CSGALNACT1: variants seen among roughly 807,000 people sequenced by gnomAD.
The protein encoded by CSGALNACT1 is chondroitin sulfate N-acetylgalactosaminyltransferase 1, also known as beta4GalNAcT-1.
Under a neutral mutation model 51.0 loss-of-function variants are expected in CSGALNACT1, and 52 were observed. The observed-to-expected ratio is 1.02, with a 90% CI of 0.82 to 1.29. The LOEUF is 1.29. Among genes scored for constraint, CSGALNACT1 ranks in the 50% most tolerant of loss-of-function variants. The pLI, the probability that CSGALNACT1 is intolerant of heterozygous loss-of-function variation, is 0.00. For synonymous variants in CSGALNACT1, 341 were observed against 254.4 expected (o/e 1.34, Z -3.24); for missense variants, 935 against 679.2 (o/e 1.38, Z -4.19).
intron 3 of CSGALNACT1, among the ~76,000 whole-genome samples, chr8:19,529,870 T>C (rs1333063946): frequency 2.0e-5 from 3 of 152,208 alleles, no homozygotes; most frequent in Admixed American, 6.5e-5. Context: ...GCTATGTAAA[T>C]AGCTATTGTA....
At chr8:19,755,296 T>G (rs1466920152) in intron 1 of CSGALNACT1, among the ~76,000 whole-genome samples, 2 of 152,034 alleles carry the variant, frequency 1.3e-5, no homozygotes, top group East Asian at 1.9e-4. Context: ...TTTCAACTCC[T>G]TATTTTCAAC....
At chr8:19,737,802 C>T (rs2064076441) in intron 1 of CSGALNACT1, among the ~76,000 whole-genome samples, 1 of 152,048 alleles carries the variant, frequency 6.6e-6, no homozygotes, top group East Asian at 1.9e-4. Context: ...TAAAAGGATA[C>T]ACAAAATATT....
At chr8:19,653,896 T>C (rs2058042712) in intron 1 of CSGALNACT1, among the ~76,000 whole-genome samples, 2 of 152,120 alleles carry the variant, frequency 1.3e-5, no homozygotes, top group Non-Finnish European at 2.9e-5. Context: ...TTAGTTATCA[T>C]AAAGTATAGG....
At chr8:19,749,019 G>A (rs1010279172) in intron 1 of CSGALNACT1, among the ~76,000 whole-genome samples, 1 of 151,666 alleles carries the variant, frequency 6.6e-6, no homozygotes, top group African/African-American at 2.4e-5. Context: ...AAAAAGTGAG[G>A]TCGTTGTGCA....
intron 8 of CSGALNACT1, among the ~76,000 whole-genome samples, chr8:19,415,870 G>A (rs969823736): frequency 1.4e-4 from 22 of 152,338 alleles, no homozygotes; most frequent in Non-Finnish European, 2.9e-4. Context: ...CTCTGTCAAT[G>A]AGGGTGATAC....
At chr8:19,518,369 CT>C (rs981849784) in intron 3 of CSGALNACT1, among the ~76,000 whole-genome samples, 3 of 152,164 alleles carry the variant, frequency 2.0e-5, no homozygotes, top group Admixed American at 1.3e-4. Context: ...CTTCCCTTCT[CT>C]TTATCAGCAA....
chr8:19,749,059 G>A (rs537673804), intron 1 of CSGALNACT1, among the ~76,000 whole-genome samples: 5 of 152,052 alleles, frequency 3.3e-5, no homozygotes. Flanking sequence ...CATTCACCAG[G>A]GGTGCTGTTT....
intron 3 of CSGALNACT1, among the ~76,000 whole-genome samples, chr8:19,557,794 C>T (rs1233435641): frequency 6.6e-6 from 1 of 152,172 alleles, no homozygotes; most frequent in East Asian, 1.9e-4. Context: ...TGTTGTCAAT[C>T]TCCTATCCTG....
chr8:19,718,324 A>T (rs912201880), intron 1 of CSGALNACT1, among the ~76,000 whole-genome samples: 2 of 151,134 alleles, frequency 1.3e-5, no homozygotes, highest in Admixed American at 6.6e-5. Context: ...CTAGTCTTGA[A>T]CTCCTGAACT....
chr8:19,697,899 G>C (rs2061664252), intron 1 of CSGALNACT1, among the ~76,000 whole-genome samples: 1 of 152,198 alleles, frequency 6.6e-6, no homozygotes, highest in African/African-American at 2.4e-5. Flanking sequence ...GCAAAAGAGA[G>C]CTATTGAAAG....
At chr8:19,637,308 C>A (rs553817519) in intron 1 of CSGALNACT1, among the ~76,000 whole-genome samples, 63 of 152,294 alleles carry the variant, frequency 4.1e-4, no homozygotes, top group African/African-American at 1.5e-3. Flanking sequence ...TCTTTTCAAC[C>A]AAAAGCCTTT....
intron 1 of CSGALNACT1, among the ~76,000 whole-genome samples, chr8:19,720,366 A>G (rs1199073906): frequency 6.6e-6 from 1 of 152,228 alleles, no homozygotes; most frequent in Non-Finnish European, 1.5e-5. Flanking sequence ...GAATAATCAT[A>G]AAGCCTGATG....
chr8:19,694,377 G>T (rs1040776956), intron 1 of CSGALNACT1, among the ~76,000 whole-genome samples: 1 of 152,116 alleles, frequency 6.6e-6, no homozygotes, highest in East Asian at 1.9e-4. Flanking sequence ...TTCAAGTCTC[G>T]CATTCCAAAA....
chr8:19,581,978 C>T lies in CSGALNACT1; in HGVS notation c.-297+9182G>A, dbSNP rs540114509. On this transcript the variant is annotated intron_variant, in intron 3 of 9. Transcript: ENST00000454498. ...GAAAATAATTCAGATGTAAAGGTTG[C>T]AATTTTTCTTAAAGATGATCACCTA... is the stretch of plus-strand genomic sequence containing the variant. Among the ~76,000 whole-genome samples, 4 of 152,278 alleles carry T rather than the reference C, an allele frequency of 2.6e-5. No individual in the cohort carries two copies. The South Asian group carries it at 8.3e-4, about 32-fold the overall frequency.
In CSGALNACT1 at chr8:19,412,432, C is replaced by T. The variant is rs541168242; in HGVS notation, c.1228-3738G>A. 4.6e-5 allele frequency among the ~76,000 whole-genome samples: 7 copies of T among 152,328 alleles called. No homozygotes were observed. In the South Asian group the frequency reaches 6.2e-4, roughly 14 times the overall value. ...CCTGCAGCTGCATGTGAGCTGGGGC[C>T]GTGGTCAGTGCCTGTCTGGTTTAAT... On this transcript the variant is annotated intron_variant, in intron 8 of 9. Transcript: ENST00000454498.
chr8:19,656,552 T>C (rs1452998062), intron 1 of CSGALNACT1, among the ~76,000 whole-genome samples: 3 of 150,142 alleles, frequency 2.0e-5, no homozygotes, highest in South Asian at 4.2e-4. Context: ...TGTACGCGCA[T>C]GCACACACAC....
chr8:19,514,867 C>G (rs2079217751), intron 3 of CSGALNACT1, among the ~76,000 whole-genome samples: 1 of 151,890 alleles, frequency 6.6e-6, no homozygotes, highest in Admixed American at 6.6e-5. Context: ...TAAATACAAG[C>G]TTTATAATGT....
chr8:19,525,484 G>C (rs759707561), intron 3 of CSGALNACT1, among the ~76,000 whole-genome samples: 21 of 151,544 alleles, frequency 1.4e-4, no homozygotes, highest in Middle Eastern at 3.4e-3. Context: ...GGGCCTGGTG[G>C]TGCATGTCTA....
At chr8:19,575,302 T>C (rs764959074) in intron 3 of CSGALNACT1, among the ~76,000 whole-genome samples, 1 of 152,238 alleles carries the variant, frequency 6.6e-6, no homozygotes, top group African/African-American at 2.4e-5. Context: ...TTAGCAACCT[T>C]AATTCTCAGT....
Sources: gnomAD v4.1 joint callset for allele counts (sites outside exome capture counted in the v4.1 genomes callset) on GRCh38, gnomAD v4.1.1 for gene constraint, MANE v1.5 for transcripts, NCBI Gene and HGNC (gene_info 2026-07-23, HGNC 2026-07-21) for gene names.